IDE: variants seen among roughly 807,000 people sequenced by gnomAD.
IDE encodes insulin-degrading enzyme.
IDE carries 58 observed loss-of-function variants against 133.2 expected under a neutral mutation model. The observed-to-expected ratio is 0.44, with a 90% CI of 0.35 to 0.54. The LOEUF (loss-of-function observed/expected upper bound fraction) is 0.54. IDE is among the 20% of genes least tolerant of loss of function. The pLI is 0.00. For synonymous variants in IDE, 396 were observed against 421.3 expected (o/e 0.94, Z 0.73); for missense variants, 981 against 1,234.0 (o/e 0.79, Z 3.07).
rs71028826 is a variant in IDE at position 92,550,650 on chromosome 10, C to CAAAAA, written c.99-13105_99-13101dup. On this transcript the variant is annotated intron_variant, in intron 1 of 24. Coordinates refer to ENST00000265986, the MANE Select transcript of IDE (RefSeq NM_004969.4). ...TGGGCAACAGAGCTAGACTCCGTCT[C>CAAAAA]AAAAAAAAAAAAAAAAAAAAAAAAT... Among the ~76,000 whole-genome samples, 238 of 57,408 alleles carry CAAAAA rather than the reference C, an allele frequency of 4.1e-3. 2 individuals carry two copies. The highest frequency in any genetic ancestry group is 0.019 in the African/African-American group (226 of 11,960). The allele number at this position is 57,408 out of a possible 152,430, so 37.7% of individuals were successfully genotyped here.
intron 1 of IDE, among the ~76,000 whole-genome samples, chr10:92,565,073 C>T (rs1843468114): frequency 6.6e-6 from 1 of 151,658 alleles, no homozygotes; most frequent in Non-Finnish European, 1.5e-5. Context: ...TGGTGAAACC[C>T]CATCTCTACT....
chr10:92,489,667 G>T (rs902032331), intron 12 of IDE, among the ~76,000 whole-genome samples: 1 of 152,170 alleles, frequency 6.6e-6, no homozygotes, highest in South Asian at 2.1e-4. Flanking sequence ...AGTTTAGAGA[G>T]ATGGACATTT....
chr10:92,471,133 T>C (rs749511107), intron 17 of IDE, among the ~76,000 whole-genome samples: 3 of 152,224 alleles, frequency 2.0e-5, no homozygotes, highest in South Asian at 2.1e-4. Flanking sequence ...TTGGTAGTTA[T>C]TGCCTGTAGC....
chr10:92,515,143 A>G, intron 4 of IDE, 101 bp from the exon 5 acceptor site: 1 of 942,898 alleles, frequency 1.1e-6, no homozygotes, highest in Non-Finnish European at 1.6e-6. Flanking sequence ...CTTTAAAAAT[A>G]AAGTTCTAAT....
intron 1 of IDE, among the ~76,000 whole-genome samples, chr10:92,566,447 C>A (rs1163283968): frequency 6.6e-6 from 1 of 150,730 alleles, no homozygotes; most frequent in African/African-American, 2.4e-5. Context: ...ACAACATAGG[C>A]AAAGCTCCTA....
chr10:92,549,673 G>C (rs1842693368), intron 1 of IDE, among the ~76,000 whole-genome samples: 1 of 152,002 alleles, frequency 6.6e-6, no homozygotes, highest in Admixed American at 6.6e-5. Flanking sequence ...TCAGTATCTT[G>C]TGGCACATAT....
Position 92,498,480 on chromosome 10 carries a change from G to C in IDE, c.1430+6314C>G, listed in dbSNP as rs188812162. Among the ~76,000 whole-genome samples the C allele has an allele frequency of 1.1e-4, 16 of 152,304 alleles. No homozygotes were observed. The East Asian group carries it at 2.9e-3, about 28-fold the overall frequency. On this transcript the variant is annotated intron_variant, in intron 11 of 24. Transcript: ENST00000265986. ...TCTACTAAAAAAAAATACAGGCCGG[G>C]CATGGTGGCTCACACCTGTAATCCC... is the stretch of plus-strand genomic sequence containing the variant.
intron 4 of IDE, among the ~76,000 whole-genome samples, chr10:92,524,462 T>TATATAATATATATTATA (rs1849477454): frequency 6.4e-5 from 3 of 46,824 alleles, no homozygotes; most frequent in African/African-American, 2.6e-4. Flanking sequence ...TATTATATAT[T>TATATAATATATATTATA]TTATATAATA....
intron 1 of IDE, among the ~76,000 whole-genome samples, chr10:92,567,647 T>C (rs1423860178): frequency 6.6e-6 from 1 of 152,218 alleles, no homozygotes; most frequent in African/African-American, 2.4e-5. Context: ...TTCCCTACTT[T>C]TGAACCTTTG....
At chr10:92,481,801 C>T (rs916228019) in intron 14 of IDE, among the ~76,000 whole-genome samples, 40 of 152,198 alleles carry the variant, frequency 2.6e-4, no homozygotes, top group African/African-American at 7.9e-4. Context: ...CTAGGAAATG[C>T]GCTAGGCAGT....
intron 1 of IDE, among the ~76,000 whole-genome samples, chr10:92,537,873 T>C (rs1225551986): frequency 6.6e-6 from 1 of 152,114 alleles, no homozygotes; most frequent in Non-Finnish European, 1.5e-5. Flanking sequence ...GGTTTTGTTT[T>C]TGTTTTTTTG....
At chr10:92,462,386 C>T (rs535026407) in intron 21 of IDE, among the ~76,000 whole-genome samples, 27 of 150,790 alleles carry the variant, frequency 1.8e-4, no homozygotes, top group Middle Eastern at 3.5e-3. Context: ...TTTGGGAGGC[C>T]GAGGCAGGGG....
At chr10:92,533,045 C>T (rs1850031224) in intron 3 of IDE, among the ~76,000 whole-genome samples, 1 of 152,146 alleles carries the variant, frequency 6.6e-6, no homozygotes, top group East Asian at 1.9e-4. Context: ...ACATCTTTTA[C>T]CCACCTCAAT....
intron 22 of IDE, 73 bp downstream of exon 22, chr10:92,461,118 G>A (rs1845362011): frequency 1.3e-6 from 1 of 752,206 alleles, no homozygotes; most frequent in Non-Finnish European, 2.3e-6. Flanking sequence ...TGGGATTACA[G>A]GTGTAGGCCG....
intron 7 of IDE, among the ~76,000 whole-genome samples, 188 bp from the exon 8 acceptor site, chr10:92,508,393 A>T (rs1252556238): frequency 2.0e-5 from 3 of 152,108 alleles, no homozygotes; most frequent in Non-Finnish European, 4.4e-5. Flanking sequence ...GCTTTCCTGA[A>T]GATTCCTCAA....
chr10:92,503,781 T>C (rs972546701), intron 11 of IDE, among the ~76,000 whole-genome samples: 7 of 151,490 alleles, frequency 4.6e-5, no homozygotes, highest in South Asian at 2.1e-4. Flanking sequence ...TGCAATGCCA[T>C]GATCTCGGCT....
intron 16 of IDE, 136 bp downstream of exon 16, chr10:92,475,748 G>T: frequency 2.0e-6 from 1 of 493,764 alleles, no homozygotes; most frequent in South Asian, 3.1e-5. Flanking sequence ...CAATGACAAG[G>T]TGAGATGAAT....
chr10:92,524,514 A>T (rs1480138237), intron 4 of IDE, among the ~76,000 whole-genome samples: 1 of 73,202 alleles, frequency 1.4e-5, no homozygotes, highest in African/African-American at 5.6e-5. Context: ...TATAATATAT[A>T]ATATATATTA....
chr10:92,547,235 G>A (rs994476728), intron 1 of IDE, among the ~76,000 whole-genome samples: 3 of 129,250 alleles, frequency 2.3e-5, no homozygotes, highest in Non-Finnish European at 3.3e-5. Flanking sequence ...CACCATGCCC[G>A]GCTAATTTTT....
Sources: gnomAD v4.1 joint callset for allele counts (sites outside exome capture counted in the v4.1 genomes callset) on GRCh38, gnomAD v4.1.1 for gene constraint, MANE v1.5 for transcripts, NCBI Gene and HGNC (gene_info 2026-07-23, HGNC 2026-07-21) for gene names.